ZNF730: variants seen among roughly 807,000 people sequenced by gnomAD.
ZNF730 encodes putative zinc finger protein 730.
ZNF730 carries 12 observed loss-of-function variants against 12.6 expected under a neutral mutation model. The observed-to-expected ratio is 0.95, with a 90% CI of 0.61 to 1.54. The LOEUF (loss-of-function observed/expected upper bound fraction) is 1.54, where lower values mean the gene tolerates loss of function less well. Ranked by LOEUF, ZNF730 falls within the 40% of genes most tolerant of loss-of-function variation. The pLI is 0.00. For synonymous variants in ZNF730, 194 were observed against 195.8 expected (o/e 0.99, Z 0.08); for missense variants, 643 against 583.5 (o/e 1.10, Z -1.05).
Position 23,136,082 on chromosome 19 carries a change from G to C in ZNF730, c.226+39G>C, listed in dbSNP as rs759676550. 5.8e-6 allele frequency: 8 copies of C among 1,368,524 alleles called. No individual in the cohort carries two copies. In the South Asian group the frequency reaches 8.9e-5, roughly 15 times the overall value. The allele number at this position is 1,368,524 out of a possible 1,614,324, so 84.8% of individuals were successfully genotyped here. On this transcript the variant is annotated intron_variant, in intron 3 of 3. Coordinates refer to ENST00000597761, the MANE Select transcript of ZNF730 (RefSeq NM_001277403.2). ...AATACAATACACAAAACTGATAAGA[G>C]ATCTATAGTTTAAAAAAAGAAAAAA...
At chr19:23,089,857 CAGA>C (rs1970126958) in intron 1 of ZNF730, among the ~76,000 whole-genome samples, 1 of 152,050 alleles carries the variant, frequency 6.6e-6, no homozygotes, top group Non-Finnish European at 1.5e-5. Flanking sequence ...TTGGAGGGCT[CAGA>C]AGAAGACAGG....
chr19:23,104,439 C>T (rs945861911), intron 1 of ZNF730, among the ~76,000 whole-genome samples: 2 of 152,052 alleles, frequency 1.3e-5, no homozygotes, highest in Admixed American at 1.3e-4. Flanking sequence ...TGGTATATTG[C>T]TGATCCTTGT....
intron 1 of ZNF730, among the ~76,000 whole-genome samples, chr19:23,122,154 T>C (rs1970607171): frequency 6.9e-6 from 1 of 144,950 alleles, no homozygotes; most frequent in African/African-American, 2.5e-5. Flanking sequence ...TTTTTTTTTT[T>C]TTTTTAGACA....
At chr19:23,120,522 G>T (rs1440089001) in intron 1 of ZNF730, among the ~76,000 whole-genome samples, 1 of 151,262 alleles carries the variant, frequency 6.6e-6, no homozygotes, top group African/African-American at 2.4e-5. Flanking sequence ...TGGTAATGTC[G>T]CTTTTGTCAT....
chr19:23,082,995 G>A lies in ZNF730; in HGVS notation c.-94+7608G>A, dbSNP rs932936221. On this transcript the variant is annotated intron_variant, in intron 1 of 2. Transcript: ENST00000593635. ...ATTACAGGTGTGAGCCACCGGACCCGGCCTTTTTTCTTTATTCATTTATCT... is the reference window on the plus strand; with the variant it reads ...ATTACAGGTGTGAGCCACCGGACCCAGCCTTTTTTCTTTATTCATTTATCT... Among the ~76,000 whole-genome samples, 18 of 152,002 alleles carry A rather than the reference G, an allele frequency of 1.2e-4. No homozygotes were observed. The East Asian group carries it at 1.4e-3, about 12-fold the overall frequency.
intron 1 of ZNF730, among the ~76,000 whole-genome samples, chr19:23,098,146 G>GAAA (rs886591031): frequency 7.6e-6 from 1 of 132,112 alleles, no homozygotes; most frequent in African/African-American, 2.8e-5. Flanking sequence ...TCTGTCTCAA[G>GAAA]AAAAAAAAAA....
intron 1 of ZNF730, 46 bp from the exon 2 acceptor site, chr19:23,134,034 G>A: frequency 1.2e-6 from 2 of 1,607,946 alleles, no homozygotes; most frequent in Non-Finnish European, 1.7e-6. Context: ...TTAAAATTCT[G>A]CCCAGGGGCA....
At chr19:23,118,853 T>C (rs553351413) in intron 1 of ZNF730, among the ~76,000 whole-genome samples, 1 of 152,354 alleles carries the variant, frequency 6.6e-6, no homozygotes, top group East Asian at 1.9e-4. Flanking sequence ...AATGGGTGAG[T>C]TACAAGATTT....
chr19:23,127,458 C>T, intron 1 of ZNF730: 1 of 1,097,076 alleles, frequency 9.1e-7, no homozygotes, highest in South Asian at 1.3e-5. Flanking sequence ...GACCCTTCTC[C>T]TTCTCCAAGC....
At chr19:23,109,690 G>C (rs1047658221) in intron 1 of ZNF730, among the ~76,000 whole-genome samples, 1 of 152,136 alleles carries the variant, frequency 6.6e-6, no homozygotes, top group Non-Finnish European at 1.5e-5. Flanking sequence ...TGGGATTACA[G>C]GTGTGAGCCA....
Position 23,135,939 on chromosome 19 carries a change from A to G in ZNF730, c.131-9A>G, listed in dbSNP as rs1043961842. 1 of 1,606,242 alleles carries G rather than the reference A, an allele frequency of 6.2e-7. No homozygotes were observed. The highest frequency in any genetic ancestry group is 8.5e-7 in the Non-Finnish European group (1 of 1,175,408). On this transcript the variant is annotated splice_polypyrimidine_tract_variant and intron_variant, in intron 2 of 3. Transcript: ENST00000597761. Reference sequence around the variant, plus strand: ...ATGAGCAAGATTCATGTTATTTTTCATAAAACAGGTATTGCTGTCTCAAAG... The same window carrying G: ...ATGAGCAAGATTCATGTTATTTTTCGTAAAACAGGTATTGCTGTCTCAAAG...
At chr19:23,091,487 C>G (rs181598974) in intron 1 of ZNF730, among the ~76,000 whole-genome samples, 2 of 152,326 alleles carry the variant, frequency 1.3e-5, no homozygotes, top group East Asian at 3.9e-4. Flanking sequence ...GCTGCAGACA[C>G]TCAATGCCAG....
rs990957712 is a variant in ZNF730 at position 23,146,817 on chromosome 19, G to A, written c.*261G>A. The A allele has an allele frequency of 2.9e-5, 25 of 876,016 alleles. No individual in the cohort carries two copies. Among genetic ancestry groups the A allele is most frequent in the Non-Finnish European group, 4.4e-5 (23 of 518,236 alleles). The allele number at this position is 876,016 out of a possible 1,614,324, so 54.3% of individuals were successfully genotyped here. On this transcript the variant is annotated 3_prime_UTR_variant, in exon 4 of 4. Transcript: ENST00000597761. ...TGGAGAGAAACCCTACAAGTGTGAA[G>A]AATGTGACAAAGCCTTTAACAAATC...
At chr19:23,109,180 TCTTCAA>T (rs914855770) in intron 1 of ZNF730, among the ~76,000 whole-genome samples, 6 of 152,304 alleles carry the variant, frequency 3.9e-5, no homozygotes, top group Middle Eastern at 3.4e-3. Flanking sequence ...AAATGTTTGA[TCTTCAA>T]CTTAATATTT....
intron 1 of ZNF730, among the ~76,000 whole-genome samples, chr19:23,083,301 G>A (rs1472862825): frequency 6.6e-6 from 1 of 152,030 alleles, no homozygotes; most frequent in African/African-American, 2.4e-5. Flanking sequence ...GCACATGCCT[G>A]TAGTCCCAGC....
At chr19:23,101,399 C>T (rs1484176155) in intron 1 of ZNF730, among the ~76,000 whole-genome samples, 1 of 152,214 alleles carries the variant, frequency 6.6e-6, no homozygotes, top group African/African-American at 2.4e-5. Context: ...CTTTCCTGCC[C>T]ACATTCTGTC....
At chr19:23,140,079 G>T (rs1325850060) in intron 3 of ZNF730, among the ~76,000 whole-genome samples, 2 of 152,096 alleles carry the variant, frequency 1.3e-5, no homozygotes, top group East Asian at 3.9e-4. Context: ...GTGTGTGTGT[G>T]TGTGTATGTG....
intron 1 of ZNF730, among the ~76,000 whole-genome samples, chr19:23,110,043 A>G (rs1474976609): frequency 3.4e-5 from 5 of 149,046 alleles, no homozygotes; most frequent in Non-Finnish European, 5.9e-5. Flanking sequence ...CTTGGCTCAC[A>G]GCAACCTGCA....
At chr19:23,077,721 C>T (rs112078230) in intron 1 of ZNF730, among the ~76,000 whole-genome samples, 2,138 of 152,146 alleles carry the variant, frequency 0.014, 20 homozygotes, top group South Asian at 0.024. Context: ...GGGTTACAGG[C>T]GTGAGGCACC....
Sources: allele counts gnomAD v4.1 joint callset (sites outside exome capture counted in the v4.1 genomes callset), GRCh38; gene constraint gnomAD v4.1.1; transcripts MANE v1.5; gene names NCBI Gene and HGNC (gene_info 2026-07-23, HGNC 2026-07-21).